Variants in FBXO32 observed in about 807,000 individuals in gnomAD.
The protein encoded by FBXO32 is F-box only protein 32.
A neutral mutation model predicts 48.3 loss-of-function variants in FBXO32; 15 were observed. The observed-to-expected ratio is 0.31, with a 90% confidence interval of 0.21 to 0.48. FBXO32 has a LOEUF of 0.48. Ranked by LOEUF, FBXO32 falls within the 20% of genes least tolerant of loss-of-function variation. The probability of loss-of-function intolerance (pLI) is 0.99; values close to 1 mark genes in which losing one functional copy is unlikely to be tolerated. For missense variants in FBXO32, 309 were observed against 432.7 expected, an observed-to-expected ratio of 0.71 and a Z score of 2.54; for synonymous variants, 154 against 165.9, an observed-to-expected ratio of 0.93 and a Z score of 0.55.
chr8:123,525,939 A>C lies in FBXO32; in HGVS notation c.372+5959T>G, dbSNP rs1817063533. On this transcript the variant is annotated intron_variant, in intron 4 of 8. Coordinates refer to ENST00000517956, the MANE Select transcript of FBXO32 (RefSeq NM_058229.4). The surrounding 1 kb of genome is among the most constrained non-coding windows in gnomAD (Gnocchi z 4.3). ...AGGTGCTGTTTCTTGTTTTTTTTCC[A>C]GTGGCTTCCTCCTGCGTACTAGATA... Among the ~76,000 whole-genome samples, 1 of 151,940 alleles carries C rather than the reference A, an allele frequency of 6.6e-6. No homozygotes were observed. Among genetic ancestry groups the C allele is most frequent in the South Asian group, 2.1e-4 (1 of 4,812 alleles).
At chr8:123,526,755 A>T (rs1817085766) in intron 4 of FBXO32, among the ~76,000 whole-genome samples, 1 of 152,064 alleles carries the variant, frequency 6.6e-6, no homozygotes, top group African/African-American at 2.4e-5. Context: ...TGCCTCTACC[A>T]CATCTTGGTT....
chr8:123,534,574 T>G lies in FBXO32; in HGVS notation c.229+128A>C, dbSNP rs553579404. ...TGAGTGCTGAGATCTCAGTAACCTC[T>G]GTCAGTGACACACAGTAAAACACTG... On this transcript the variant is annotated intron_variant, in intron 2 of 8. Transcript: ENST00000517956. The G allele has an allele frequency of 1.6e-5, 9 of 554,644 alleles. No individual in the cohort carries two copies. In the East Asian group the frequency reaches 2.4e-4, roughly 15 times the overall value. The allele number at this position is 554,644 out of a possible 1,614,324, so 34.4% of individuals were successfully genotyped here. A position where few individuals can be genotyped will look rare whatever the true frequency, so the allele number is the denominator to read the frequency against.
rs56193974 is a variant in FBXO32, at chr8:123,501,364, A to AAAAAAAAAACAAAAAAAAAC, written c.*1989_*2008dup. 5 of 129,734 alleles carry AAAAAAAAAACAAAAAAAAAC rather than the reference A, an allele frequency of 3.9e-5. No individual in the cohort carries two copies. Among genetic ancestry groups the AAAAAAAAAACAAAAAAAAAC allele is most frequent in the Non-Finnish European group, 6.4e-5 (4 of 62,108 alleles). 8.0% of individuals were successfully genotyped at this position (129,734 alleles called of 1,614,324 possible). On this transcript the variant is annotated 3_prime_UTR_variant, in exon 9 of 9. Coordinates refer to ENST00000517956, the MANE Select transcript of FBXO32 (RefSeq NM_058229.4). ...ATTGGTTCAGGGGGAGAGGGATTGC[A>AAAAAAAAAACAAAAAAAAAC]AAAAAAAAACAAAAAAAAACAAAAC...
Position 123,501,373 on chromosome 8 carries a change from A to AAT in FBXO32, c.*1999_*2000insAT, listed in dbSNP as rs879378703. ...GGGGGAGAGGGATTGCAAAAAAAAA[A>AAT]CAAAAAAAAACAAAACAAAACACAC... On this transcript the variant is annotated 3_prime_UTR_variant, in exon 9 of 9. Coordinates refer to ENST00000517956, the MANE Select transcript of FBXO32 (RefSeq NM_058229.4). 2.6e-5 allele frequency: 4 copies of AAT among 151,310 alleles called. No individual in the cohort carries two copies. The highest frequency in any genetic ancestry group is 5.9e-5 in the Non-Finnish European group (4 of 67,902). 9.4% of individuals were successfully genotyped at this position (151,310 alleles called of 1,614,324 possible). A position where few individuals can be genotyped will look rare whatever the true frequency, so the allele number is the denominator to read the frequency against.
At chr8:123,514,154 T>C (rs1295663425) in intron 5 of FBXO32, 86 bp downstream of exon 5, 2 of 899,878 alleles carry the variant, frequency 2.2e-6, no homozygotes, top group Non-Finnish European at 3.4e-6. Flanking sequence ...TGTCTTTAAG[T>C]CTAATGACAC....
intron 4 of FBXO32, among the ~76,000 whole-genome samples, chr8:123,530,739 C>G (rs1201373618): frequency 6.6e-6 from 1 of 151,744 alleles, no homozygotes; most frequent in African/African-American, 2.4e-5. Context: ...CTCAGCCTCC[C>G]GAGTAGCTGG....
At chr8:123,521,423 A>G (rs1816953155) in intron 4 of FBXO32, among the ~76,000 whole-genome samples, 1 of 152,250 alleles carries the variant, frequency 6.6e-6, no homozygotes, top group South Asian at 2.1e-4. Context: ...GCTGATATCT[A>G]TATGGAGACT....
intron 3 of FBXO32, chr8:123,532,262 T>C: frequency 9.7e-7 from 1 of 1,028,366 alleles, no homozygotes; most frequent in Non-Finnish European, 1.2e-6. Context: ...GCTTATAATT[T>C]TTCCACATAT....
Position 123,499,745 on chromosome 8 carries a change from A to G in FBXO32, c.*3628T>C, listed in dbSNP as rs567167311. ...AATTGTTTAGACAATTGAAATTCCA[A>G]GCTCTTTCTCTTCTCCCATATAAAA... On this transcript the variant is annotated 3_prime_UTR_variant, in exon 9 of 9. Transcript: ENST00000517956. The G allele has an allele frequency of 2.9e-4, 44 of 152,314 alleles. No homozygotes were observed. Among genetic ancestry groups the G allele is most frequent in the African/African-American group, 1.0e-3 (43 of 41,566 alleles). The allele number at this position is 152,314 out of a possible 1,614,324, so 9.4% of individuals were successfully genotyped here. A position where few individuals can be genotyped will look rare whatever the true frequency, so the allele number is the denominator to read the frequency against.
In FBXO32 at chr8:123,541,015, G is replaced by C; in HGVS notation, c.-1C>G. Reference sequence around the variant, plus strand: ...GCCAGTCCTGCCCGAGGAATGGCATGGCACCGCGAGCGGACTAGACGGATG... The same window carrying C: ...GCCAGTCCTGCCCGAGGAATGGCATCGCACCGCGAGCGGACTAGACGGATG... On this transcript the variant is annotated 5_prime_UTR_variant, in exon 1 of 9. Transcript: ENST00000517956. 1 of 1,605,622 alleles carries C rather than the reference G, an allele frequency of 6.2e-7. No homozygotes were observed. Among genetic ancestry groups the C allele is most frequent in the Non-Finnish European group, 8.5e-7 (1 of 1,174,654 alleles).
intron 4 of FBXO32, among the ~76,000 whole-genome samples, chr8:123,516,452 A>G (rs913906054): frequency 1.3e-5 from 2 of 152,190 alleles, no homozygotes; most frequent in East Asian, 3.8e-4. Flanking sequence ...TTTCAGATCA[A>G]TAAACACTGA....
rs79711464 is a variant in FBXO32 at position 123,517,044 on chromosome 8, G to C, written c.373-2711C>G. Among the ~76,000 whole-genome samples, 1,384 of 152,286 alleles carry C rather than the reference G, an allele frequency of 9.1e-3. 23 individuals are homozygous for C. Among genetic ancestry groups the C allele is most frequent in the African/African-American group, 0.032 (1,320 of 41,550 alleles). The stretch of plus-strand genomic sequence containing the variant: ...CCAACAGCAAGATTCGGAAGGCCAA[G>C]ATGATGGTCTATTAATACCCTGATC... On this transcript the variant is annotated intron_variant, in intron 4 of 8. Transcript: ENST00000517956.
chr8:123,538,685 G>C (rs1347391452), intron 1 of FBXO32, among the ~76,000 whole-genome samples: 1 of 152,182 alleles, frequency 6.6e-6, no homozygotes, highest in Non-Finnish European at 1.5e-5. Flanking sequence ...GCTTTGCTAG[G>C]AGGCTACCAA....
chr8:123,537,848 G>A (rs1034119657), intron 1 of FBXO32, among the ~76,000 whole-genome samples: 2 of 152,176 alleles, frequency 1.3e-5, no homozygotes, highest in Non-Finnish European at 2.9e-5. Flanking sequence ...ATTTGAGTCA[G>A]TCTTCAATGA....
At position 123,504,618 on chromosome 8, in the gene FBXO32, T is replaced by C; in HGVS notation, c.964A>G (p.Ile322Val). The change falls in exon 8 of 9, where the codon ATC becomes GTC. Residue 322 changes from isoleucine to valine, a missense_variant. Physicochemically the swap from Ile to Val is conservative, Grantham distance 29. Transcript: ENST00000517956. ...GAGACACATACCTTCCAGGAAAGGA[T>C]GTGACAGTGTTTGCAGAGCTGAAGG... ...DTLQLCKHCH[I>V]LSWKGTDHPC... is the part of the protein sequence containing the mutation. 1 of 1,613,376 alleles carries C rather than the reference T, an allele frequency of 6.2e-7. No homozygotes were observed. Among genetic ancestry groups the C allele is most frequent in the Non-Finnish European group, 8.5e-7 (1 of 1,179,752 alleles).
At chr8:123,510,340 G>A (rs781023980) in intron 6 of FBXO32, among the ~76,000 whole-genome samples, 11 of 152,130 alleles carry the variant, frequency 7.2e-5, no homozygotes, top group South Asian at 4.1e-4. Context: ...GGCCGGGCGC[G>A]GTGGCTCATG....
rs756587760 is a variant in FBXO32, at chr8:123,513,366, T to C, written c.483A>G (p.Gln161=). 5 of 1,613,960 alleles carry C rather than the reference T, an allele frequency of 3.1e-6. No individual in the cohort carries two copies. The highest frequency in any genetic ancestry group is 4.2e-6 in the Non-Finnish European group (5 of 1,179,866). The change falls in exon 6 of 9, where the codon CAA becomes CAG. Residue 161 remains glutamine, a synonymous_variant. Coordinates refer to ENST00000517956, the MANE Select transcript of FBXO32 (RefSeq NM_058229.4). The surrounding 1 kb of genome is among the most constrained non-coding windows in gnomAD (Gnocchi z 4.3). ...GTAGTTCCCTTATTAGTCTAATGTTTTGCTGGTCTTCAAGGACTTGAGTAG... is the reference window on the plus strand; with the variant it reads ...GTAGTTCCCTTATTAGTCTAATGTTCTGCTGGTCTTCAAGGACTTGAGTAG... ...KVVLKVLEDQ[Q]NIRLIRELLQ... is the part of the protein sequence containing the mutation.
intron 4 of FBXO32, among the ~76,000 whole-genome samples, chr8:123,527,875 G>A (rs1490918169): frequency 1.3e-5 from 2 of 152,098 alleles, no homozygotes; most frequent in Non-Finnish European, 2.9e-5. Context: ...AAGAAGCTTC[G>A]AACTTTGAGC....
In FBXO32 at chr8:123,501,285, A is replaced by G. The variant is rs1232647193; in HGVS notation, c.*2088T>C. On this transcript the variant is annotated 3_prime_UTR_variant, in exon 9 of 9. Coordinates refer to ENST00000517956, the MANE Select transcript of FBXO32 (RefSeq NM_058229.4). ...AGAAATTGGAGAGAACCTGACAATT[A>G]TAGAAGAAGTAGCTTTTTATTCAGC... is the stretch of plus-strand genomic sequence containing the variant. The G allele has an allele frequency of 1.3e-5, 2 of 151,804 alleles. No homozygotes were observed. The highest frequency in any genetic ancestry group is 4.8e-5 in the African/African-American group (2 of 41,386). 9.4% of individuals were successfully genotyped at this position (151,804 alleles called of 1,614,324 possible). A position where few individuals can be genotyped will look rare whatever the true frequency, so the allele number is the denominator to read the frequency against.
Sources: allele counts gnomAD v4.1 joint callset (sites outside exome capture counted in the v4.1 genomes callset), GRCh38; gene constraint gnomAD v4.1.1; non-coding constraint Gnocchi (gnomAD v3.1); transcripts MANE v1.5; gene names NCBI Gene and HGNC (gene_info 2026-07-23, HGNC 2026-07-21).